The following TRIM9 variants were observed in gnomAD, a reference collection of about 807,000 sequenced individuals.
The protein encoded by TRIM9 is tripartite motif containing 9.
Under a neutral mutation model 78.3 loss-of-function variants are expected in TRIM9, and 26 were observed. The observed-to-expected ratio is 0.33, with a 90% confidence interval of 0.24 to 0.46. TRIM9 has a LOEUF of 0.46. TRIM9 is among the 20% of genes least tolerant of loss of function. The pLI is 1.00. For synonymous variants in TRIM9, 398 were observed against 416.5 expected (o/e 0.96, Z 0.54); for missense variants, 787 against 1,036.4 (o/e 0.76, Z 3.30).
intron 1 of TRIM9, among the ~76,000 whole-genome samples, chr14:51,028,349 A>G (rs10483601): frequency 0.064 from 9,763 of 152,266 alleles, 881 homozygotes; most frequent in African/African-American, 0.21. Flanking sequence ...CTGGAAAACT[A>G]TCACTAGAAA....
chr14:51,062,234 C>G (rs2061406261), intron 1 of TRIM9, among the ~76,000 whole-genome samples: 1 of 152,074 alleles, frequency 6.6e-6, no homozygotes, highest in Admixed American at 6.6e-5. Context: ...CTTTAATATG[C>G]TTACTATATT....
intron 7 of TRIM9, among the ~76,000 whole-genome samples, chr14:50,987,057 A>G (rs2052808870): frequency 6.6e-6 from 1 of 152,216 alleles, no homozygotes; most frequent in African/African-American, 2.4e-5. Context: ...TCAGAGGTGG[A>G]TCTTTCGCCA....
chr14:51,000,861 C>T (rs377017804), intron 5 of TRIM9, 21 bp from the exon 6 acceptor site: 2 of 1,613,052 alleles, frequency 1.2e-6, no homozygotes, highest in Non-Finnish European at 1.7e-6. Context: ...ATTAGTGTAA[C>T]TCTGGCTTCT....
chr14:51,093,654 C>T (rs2064637156), intron 1 of TRIM9, among the ~76,000 whole-genome samples: 1 of 152,248 alleles, frequency 6.6e-6, no homozygotes, highest in South Asian at 2.1e-4. Context: ...TCCGCCTATC[C>T]AGCAGCGACA....
intron 5 of TRIM9, among the ~76,000 whole-genome samples, chr14:51,001,324 G>T (rs1443365166): frequency 6.6e-6 from 1 of 151,544 alleles, no homozygotes; most frequent in Admixed American, 6.6e-5. Context: ...CCGCCTCCCG[G>T]GTTCACACCA....
rs181883411 is a variant in TRIM9 at position 51,029,098 on chromosome 14, A to C, written c.823-3738T>G. On this transcript the variant is annotated intron_variant, in intron 1 of 12. Coordinates refer to ENST00000684578, the MANE Select transcript of TRIM9 (RefSeq NM_001387360.1). ...GCTGCTGAGTGTGCCCAGGCAGAAG[A>C]CAGTATCTTCTTTCCATTTCCCACT... is the stretch of plus-strand genomic sequence containing the variant. Among the ~76,000 whole-genome samples the C allele has an allele frequency of 2.0e-3, 303 of 152,262 alleles. 1 individual carries two copies. The highest frequency in any genetic ancestry group is 3.5e-3 in the Non-Finnish European group (236 of 68,008).
At chr14:51,018,829 A>AC (rs1384998367) in intron 3 of TRIM9, among the ~76,000 whole-genome samples, 1 of 152,230 alleles carries the variant, frequency 6.6e-6, no homozygotes, top group Non-Finnish European at 1.5e-5. Context: ...AATAACTGTA[A>AC]CATTTTTTTT....
intron 1 of TRIM9, among the ~76,000 whole-genome samples, chr14:51,060,691 T>C (rs1429717732): frequency 6.6e-6 from 1 of 152,140 alleles, no homozygotes; most frequent in Non-Finnish European, 1.5e-5. Context: ...ATGGTCTCGA[T>C]CTACTGACCT....
At chr14:51,071,830 T>C (rs1299748191) in intron 1 of TRIM9, among the ~76,000 whole-genome samples, 1 of 152,088 alleles carries the variant, frequency 6.6e-6, no homozygotes, top group African/African-American at 2.4e-5. Flanking sequence ...GAATAATTTT[T>C]AAAAAAGAAT....
chr14:51,027,246 C>T (rs921490726), intron 1 of TRIM9, among the ~76,000 whole-genome samples: 4 of 144,984 alleles, frequency 2.8e-5, no homozygotes, highest in Middle Eastern at 3.9e-3. Flanking sequence ...CAGGTTCAAG[C>T]GATTCTCCTG....
At chr14:50,997,653 A>G (rs965525787) in intron 7 of TRIM9, 103 of 1,080,780 alleles carry the variant, frequency 9.5e-5, no homozygotes, top group Non-Finnish European at 1.1e-4. Context: ...AGTACTACAG[A>G]GTAATTTAGA....
At chr14:51,018,312 TCCC>T (rs1353161244) in intron 3 of TRIM9, among the ~76,000 whole-genome samples, 2 of 151,782 alleles carry the variant, frequency 1.3e-5, no homozygotes, top group Admixed American at 6.6e-5. Context: ...CCCTCCTCCC[TCCC>T]TTTTTTCTTT....
Position 51,047,644 on chromosome 14 carries a change from A to G in TRIM9, c.823-22284T>C, listed in dbSNP as rs532051863. ...ACAAAGGTAAGTAGGATAAGGCAACATACCCAAGGGAGGTATGGTCTAGTA... is the reference window on the plus strand; with the variant it reads ...ACAAAGGTAAGTAGGATAAGGCAACGTACCCAAGGGAGGTATGGTCTAGTA... On this transcript the variant is annotated intron_variant, in intron 1 of 12. Transcript: ENST00000684578. Among the ~76,000 whole-genome samples the G allele has an allele frequency of 1.1e-4, 16 of 150,766 alleles. 2 individuals are homozygous for G. The South Asian group carries it at 3.4e-3, about 32-fold the overall frequency.
At chr14:51,051,385 C>T (rs907495375) in intron 1 of TRIM9, among the ~76,000 whole-genome samples, 1 of 152,142 alleles carries the variant, frequency 6.6e-6, no homozygotes, top group African/African-American at 2.4e-5. Context: ...TTTGGCCTGC[C>T]CAAGGACCCT....
chr14:51,070,666 A>T (rs984299570), intron 1 of TRIM9, among the ~76,000 whole-genome samples: 1 of 152,200 alleles, frequency 6.6e-6, no homozygotes, highest in Admixed American at 6.5e-5. Flanking sequence ...AGCATTTTGG[A>T]TTAAGAATAC....
chr14:51,001,233 T>C (rs2054956551), intron 5 of TRIM9, among the ~76,000 whole-genome samples: 2 of 150,990 alleles, frequency 1.3e-5, no homozygotes, highest in South Asian at 4.2e-4. Flanking sequence ...TAATAATTTT[T>C]TTTTTTTTTT....
intron 11 of TRIM9, 93 bp downstream of exon 11, chr14:50,981,707 A>G (rs1357530189): frequency 6.7e-7 from 1 of 1,500,652 alleles, no homozygotes; most frequent in African/African-American, 1.4e-5. Flanking sequence ...TGATTTCCTG[A>G]ATGTGGTCTA....
At chr14:51,032,305 C>T (rs2058799877) in intron 1 of TRIM9, among the ~76,000 whole-genome samples, 1 of 152,142 alleles carries the variant, frequency 6.6e-6, no homozygotes, top group Non-Finnish European at 1.5e-5. Context: ...GATCATGGAC[C>T]TATTACCTAA....
chr14:50,992,839 T>A (rs78610747), intron 7 of TRIM9, among the ~76,000 whole-genome samples: 69 of 152,340 alleles, frequency 4.5e-4, no homozygotes, highest in African/African-American at 1.6e-3. Context: ...CTAGGCCCAC[T>A]TTTTAGAAAG....
Sources: gnomAD v4.1 joint callset for allele counts (sites outside exome capture counted in the v4.1 genomes callset) on GRCh38, gnomAD v4.1.1 for gene constraint, MANE v1.5 for transcripts, NCBI Gene and HGNC (gene_info 2026-07-23, HGNC 2026-07-21) for gene names.